The following ATOSA variants were observed in gnomAD, a reference collection of about 807,000 sequenced individuals.
ATOSA encodes atos homolog A, also known as atos homolog protein A.
chr15:52,629,282 C>T, the ATOSA span, among the ~76,000 whole-genome samples: 1 of 152,050 alleles, frequency 6.6e-6, no homozygotes. Flanking sequence ...CCTGTGTGGC[C>T]TCCTCGATTA....
the ATOSA span, among the ~76,000 whole-genome samples, chr15:52,681,755 T>G: frequency 6.6e-6 from 1 of 151,760 alleles, no homozygotes; most frequent in Non-Finnish European, 1.5e-5. Context: ...AAAAAAAAGT[T>G]AACTCATCTT....
the ATOSA span, among the ~76,000 whole-genome samples, chr15:52,689,022 C>G: frequency 6.6e-6 from 1 of 152,210 alleles, no homozygotes; most frequent in South Asian, 2.1e-4. Flanking sequence ...TACTTCATAC[C>G]AGGTCAGTAT....
chr15:52,635,566 T>C, the ATOSA span, among the ~76,000 whole-genome samples: 2 of 152,132 alleles, frequency 1.3e-5, no homozygotes, highest in South Asian at 2.1e-4. Flanking sequence ...CTCAGTGATG[T>C]GAGCCTGCAG....
the ATOSA span, chr15:52,582,237 T>C: frequency 5.0e-6 from 8 of 1,603,392 alleles, no homozygotes; most frequent in Admixed American, 8.7e-5. Flanking sequence ...TCAACCTCCA[T>C]TGACTTTCTA....
At chr15:52,692,951 C>G in the ATOSA span, among the ~76,000 whole-genome samples, 1 of 152,034 alleles carries the variant, frequency 6.6e-6, no homozygotes, top group Non-Finnish European at 1.5e-5. Flanking sequence ...ACGCCTGGCA[C>G]AAAACTCTCT....
At chr15:52,681,407 C>G in the ATOSA span, among the ~76,000 whole-genome samples, 1 of 152,136 alleles carries the variant, frequency 6.6e-6, no homozygotes, top group African/African-American at 2.4e-5. Flanking sequence ...AGTTACATGG[C>G]CCTAATCAAG....
At chr15:52,582,041 G>T in the ATOSA span, 1 of 835,672 alleles carries the variant, frequency 1.2e-6, no homozygotes, top group East Asian at 3.2e-5. Flanking sequence ...ACTGGTCCAG[G>T]ATAACAGGAG....
chr15:52,701,406 T>G, the ATOSA span, among the ~76,000 whole-genome samples: 1 of 152,212 alleles, frequency 6.6e-6, no homozygotes. Flanking sequence ...GCCACTGCAC[T>G]CCAGCATGGG....
chr15:52,619,132 C>G, the ATOSA span, among the ~76,000 whole-genome samples: 3 of 152,102 alleles, frequency 2.0e-5, no homozygotes, highest in Non-Finnish European at 4.4e-5. Flanking sequence ...TACCTAAGTA[C>G]AAGTGATATG....
chr15:52,694,111 C>G, the ATOSA span, among the ~76,000 whole-genome samples: 1 of 151,572 alleles, frequency 6.6e-6, no homozygotes, highest in Non-Finnish European at 1.5e-5. Flanking sequence ...CCCACTTAAT[C>G]CCTCAGCTGA....
At chr15:52,688,703 A>G in the ATOSA span, among the ~76,000 whole-genome samples, 1 of 152,222 alleles carries the variant, frequency 6.6e-6, no homozygotes, top group Admixed American at 6.5e-5. Flanking sequence ...CTGAAGGTAT[A>G]GTACTGAGAA....
the ATOSA span, among the ~76,000 whole-genome samples, chr15:52,640,571 CAAAAAAAA>C: frequency 9.1e-4 from 25 of 27,570 alleles, no homozygotes; most frequent in East Asian, 7.9e-3. Flanking sequence ...ACTCAAGTCT[CAAAAAAAA>C]AAAAAAAAAA....
chr15:52,696,040 T>C, the ATOSA span, among the ~76,000 whole-genome samples: 1 of 152,178 alleles, frequency 6.6e-6, no homozygotes, highest in Non-Finnish European at 1.5e-5. Context: ...GGACTGGTCA[T>C]TGCAGGGCTT....
chr15:52,608,043 G>A, the ATOSA span, among the ~76,000 whole-genome samples: 1 of 151,946 alleles, frequency 6.6e-6, no homozygotes, highest in African/African-American at 2.4e-5. Context: ...ACCATGCCTG[G>A]CCAATTTTTA....
chr15:52,651,922 TA>T, the ATOSA span: 2 of 1,535,430 alleles, frequency 1.3e-6, no homozygotes, highest in South Asian at 1.2e-5. Context: ...AATCCTTGTA[TA>T]AAGGAAGTTG....
chr15:52,709,459 C>G, the ATOSA span, among the ~76,000 whole-genome samples: 2 of 152,200 alleles, frequency 1.3e-5, no homozygotes, highest in East Asian at 3.8e-4. Context: ...TAAAGGACCA[C>G]ACTACTGGTT....
chr15:52,615,231 A>G, the ATOSA span, among the ~76,000 whole-genome samples: 41,911 of 152,028 alleles, frequency 0.28, 7,529 homozygotes, highest in East Asian at 0.85. Context: ...TAATCTGTGG[A>G]TTTTTTTCAC....
chr15:52,641,172 C>G, the ATOSA span, among the ~76,000 whole-genome samples: 1 of 152,140 alleles, frequency 6.6e-6, no homozygotes, highest in Non-Finnish European at 1.5e-5. Context: ...TCGGTTTGTA[C>G]GTTAATCAAA....
At chr15:52,692,663 C>T in the ATOSA span, among the ~76,000 whole-genome samples, 7 of 151,782 alleles carry the variant, frequency 4.6e-5, no homozygotes, top group African/African-American at 1.7e-4. Flanking sequence ...CTGAAAACTA[C>T]CTCTTTTTCT....
Sources: allele counts gnomAD v4.1 joint callset (sites outside exome capture counted in the v4.1 genomes callset), GRCh38; gene constraint gnomAD v4.1.1; transcripts MANE v1.5; gene names NCBI Gene and HGNC (gene_info 2026-07-23, HGNC 2026-07-21).